MAPK6: variants seen among roughly 807,000 people sequenced by gnomAD.
MAPK6 encodes ERK-3.
A neutral mutation model predicts 59.3 loss-of-function variants in MAPK6; 19 were observed. The observed-to-expected ratio is 0.32, with a 90% CI of 0.22 to 0.47. MAPK6 has a LOEUF of 0.47. Ranked by LOEUF, MAPK6 falls within the 20% of genes least tolerant of loss-of-function variation. MAPK6 has a pLI of 1.00. For missense variants in MAPK6, 724 were observed against 847.9 expected, an observed-to-expected ratio of 0.85 and a Z score of 1.81; for synonymous variants, 316 against 290.3, an observed-to-expected ratio of 1.09 and a Z score of -0.90.
rs71130125 is a variant in MAPK6, at chr15:52,043,742, ATTTTTTTTTTTTT to A, written c.-631-2066_-631-2054del. On this transcript the variant is annotated intron_variant, in intron 1 of 5. Transcript: ENST00000261845. ...TGATATGTTGGACTTAAGTTGTTTG[ATTTTTTTTTTTTT>A]TTTTTTTTTTTTTTTTTTTTTGAGG... Among the ~76,000 whole-genome samples, 198 of 40,670 alleles carry A rather than the reference ATTTTTTTTTTTTT, an allele frequency of 4.9e-3. 1 individual carries two copies. Among genetic ancestry groups the A allele is most frequent in the African/African-American group, 0.012 (135 of 11,088 alleles). The allele number at this position is 40,670 out of a possible 152,430, so 26.7% of individuals were successfully genotyped here. A position where few individuals can be genotyped will look rare whatever the true frequency, so the allele number is the denominator to read the frequency against.
intron 1 of MAPK6, among the ~76,000 whole-genome samples, chr15:51,982,147 A>C (rs971988935): frequency 2.8e-4 from 42 of 152,324 alleles, no homozygotes; most frequent in Middle Eastern, 3.4e-3. Context: ...GCTCAAACAC[A>C]AAGCAAAACT....
chr15:52,056,195 C>G (rs985371688), intron 3 of MAPK6, among the ~76,000 whole-genome samples: 3 of 152,214 alleles, frequency 2.0e-5, no homozygotes, highest in South Asian at 2.1e-4. Flanking sequence ...GATTGTCTCT[C>G]TATAGGTGTT....
At chr15:52,019,683 C>A (rs1342117110) in intron 1 of MAPK6, among the ~76,000 whole-genome samples, 1 of 148,388 alleles carries the variant, frequency 6.7e-6, no homozygotes. Flanking sequence ...CCACCCGGCA[C>A]GCCCCTCGCC....
chr15:52,048,367 T>C (rs1003004937), intron 2 of MAPK6, among the ~76,000 whole-genome samples: 1 of 152,050 alleles, frequency 6.6e-6, no homozygotes, highest in African/African-American at 2.4e-5. Context: ...ACCTGTAATC[T>C]CAGCACTTTG....
chr15:51,972,776 C>T (rs1240781671), intron 1 of MAPK6, among the ~76,000 whole-genome samples: 1 of 150,478 alleles, frequency 6.6e-6, no homozygotes, highest in Non-Finnish European at 1.5e-5. Flanking sequence ...GAGCCGAGAT[C>T]GCGCCACTGC....
chr15:51,981,950 G>A (rs1353908638), intron 1 of MAPK6, among the ~76,000 whole-genome samples: 1 of 152,186 alleles, frequency 6.6e-6, no homozygotes, highest in Non-Finnish European at 1.5e-5. Flanking sequence ...AGGAGTGACA[G>A]AAGGGGATGG....
intron 2 of MAPK6, among the ~76,000 whole-genome samples, chr15:51,996,151 C>T (rs1374736196): frequency 1.3e-5 from 2 of 152,124 alleles, no homozygotes; most frequent in African/African-American, 4.8e-5. Context: ...GGAATAACAA[C>T]AAGAGGCATT....
intron 3 of MAPK6, among the ~76,000 whole-genome samples, chr15:52,057,976 G>A (rs1485579789): frequency 1.4e-5 from 2 of 141,642 alleles, no homozygotes; most frequent in African/African-American, 5.8e-5. Flanking sequence ...CGCATAGTAG[G>A]AACTAAAAGG....
intron 1 of MAPK6, among the ~76,000 whole-genome samples, chr15:52,025,249 C>T (rs781460587): frequency 3.3e-5 from 5 of 152,002 alleles, no homozygotes; most frequent in Admixed American, 6.6e-5. Context: ...TCAAAAAATA[C>T]GTAAATAAAT....
chr15:52,052,405 G>T (rs1204804694), intron 3 of MAPK6, among the ~76,000 whole-genome samples: 1 of 152,146 alleles, frequency 6.6e-6, no homozygotes, highest in Non-Finnish European at 1.5e-5. Context: ...TTAAAAAGTT[G>T]TATTGTTATA....
chr15:51,984,790 C>T (rs1222682127), intron 2 of MAPK6, among the ~76,000 whole-genome samples: 1 of 134,902 alleles, frequency 7.4e-6, no homozygotes, highest in Non-Finnish European at 1.6e-5. Flanking sequence ...ATTGTACACA[C>T]TTGGGAAGAG....
intron 1 of MAPK6, among the ~76,000 whole-genome samples, chr15:52,026,018 T>G (rs551734078): frequency 6.6e-6 from 1 of 152,246 alleles, no homozygotes; most frequent in African/African-American, 2.4e-5. Context: ...GATTTTCTAA[T>G]TGATACATCT....
chr15:52,058,889 G>A (rs1226941141), intron 4 of MAPK6, 92 bp downstream of exon 4: 1 of 1,077,198 alleles, frequency 9.3e-7, no homozygotes, highest in Admixed American at 2.7e-5. Context: ...CTTAGATATG[G>A]GGCTTTCTCC....
intron 3 of MAPK6, among the ~76,000 whole-genome samples, chr15:52,052,478 G>T (rs935517708): frequency 1.1e-4 from 16 of 152,132 alleles, no homozygotes; most frequent in Non-Finnish European, 1.9e-4. Context: ...TATATTTACA[G>T]AGTTGTGTAA....
chr15:52,008,266 G>T (rs913156817), intron 3 of MAPK6, among the ~76,000 whole-genome samples: 10 of 152,130 alleles, frequency 6.6e-5, no homozygotes, highest in African/African-American at 2.4e-4. Flanking sequence ...AGCTAACACA[G>T]GGAAGTGACA....
chr15:52,029,625 A>C (rs1219722414), intron 1 of MAPK6, among the ~76,000 whole-genome samples: 1 of 152,200 alleles, frequency 6.6e-6, no homozygotes, highest in Non-Finnish European at 1.5e-5. Context: ...ACTCTCTTCC[A>C]TAATATTCTT....
chr15:52,043,742 A>ATTTTTTTTTTTTTTTT (rs71130125), intron 1 of MAPK6, among the ~76,000 whole-genome samples: 5 of 40,658 alleles, frequency 1.2e-4, no homozygotes, highest in Non-Finnish European at 1.8e-4. Flanking sequence ...AAGTTGTTTG[A>ATTTTTTTTTTTTTTTT]TTTTTTTTTT....
chr15:51,976,424 T>C (rs2057157605), intron 1 of MAPK6, among the ~76,000 whole-genome samples: 3 of 151,704 alleles, frequency 2.0e-5, no homozygotes, highest in Admixed American at 6.6e-5. Context: ...AACGCAGTTA[T>C]TGAGACATAA....
chr15:52,027,390 G>T (rs1273481090), intron 1 of MAPK6, among the ~76,000 whole-genome samples: 1 of 136,438 alleles, frequency 7.3e-6, no homozygotes, highest in Non-Finnish European at 1.6e-5. Flanking sequence ...TCACATAATA[G>T]GTCCTTAGTA....
Sources: allele counts gnomAD v4.1 joint callset (sites outside exome capture counted in the v4.1 genomes callset), GRCh38; gene constraint gnomAD v4.1.1; transcripts MANE v1.5; gene names NCBI Gene and HGNC (gene_info 2026-07-23, HGNC 2026-07-21).